The following NELL1 variants were observed in gnomAD, a reference collection of about 807,000 sequenced individuals.
NELL1 encodes protein kinase C-binding protein NELL1.
In NELL1, 76 loss-of-function variants were observed where a neutral mutation model predicts 107.4. The ratio of observed to expected loss-of-function variants is 0.71; its 90% confidence interval spans 0.59 to 0.86. NELL1 has a LOEUF of 0.86. NELL1 is among the 40% of genes least tolerant of loss of function. The pLI is 0.00. For missense variants in NELL1, 1,024 were observed against 1,005.5 expected (o/e 1.02, Z -0.25); for synonymous variants, 353 against 341.2 (o/e 1.03, Z -0.38).
intron 12 of NELL1, among the ~76,000 whole-genome samples, chr11:21,109,423 ACATGG>A (rs1485835884): frequency 6.6e-6 from 1 of 152,064 alleles, no homozygotes; most frequent in Non-Finnish European, 1.5e-5. Flanking sequence ...TTTAGCGTGA[ACATGG>A]ATTTGTGTAT....
intron 15 of NELL1, among the ~76,000 whole-genome samples, chr11:21,507,955 A>G (rs1590989834): frequency 6.6e-6 from 1 of 151,742 alleles, no homozygotes; most frequent in South Asian, 2.1e-4. Flanking sequence ...TAATTTTTGT[A>G]TCTTTAGTAG....
At chr11:21,227,410 C>T (rs542440985) in intron 13 of NELL1, among the ~76,000 whole-genome samples, 11 of 152,080 alleles carry the variant, frequency 7.2e-5, no homozygotes, top group Non-Finnish European at 1.2e-4. Flanking sequence ...TTCTGTGTTC[C>T]GGTTAGTTAC....
intron 14 of NELL1, among the ~76,000 whole-genome samples, chr11:21,246,212 G>A (rs1041063461): frequency 2.0e-5 from 3 of 152,154 alleles, no homozygotes; most frequent in African/African-American, 4.8e-5. Flanking sequence ...GAAGAAGGCA[G>A]AAGTATTGTC....
chr11:20,785,133 A>C (rs1856928701), intron 3 of NELL1, among the ~76,000 whole-genome samples: 1 of 152,134 alleles, frequency 6.6e-6, no homozygotes, highest in South Asian at 2.1e-4. Context: ...AAATATAGAG[A>C]AATGCAATTT....
At chr11:21,460,163 C>T (rs1341787958) in intron 15 of NELL1, among the ~76,000 whole-genome samples, 1 of 151,440 alleles carries the variant, frequency 6.6e-6, no homozygotes, top group East Asian at 1.9e-4. Context: ...GTAAAGAAGA[C>T]CAGAAATGGA....
intron 14 of NELL1, among the ~76,000 whole-genome samples, chr11:21,292,055 A>G (rs1439835903): frequency 6.6e-6 from 1 of 152,202 alleles, no homozygotes; most frequent in Non-Finnish European, 1.5e-5. Context: ...TATTCAACAC[A>G]GTATTGGAAG....
At chr11:21,270,487 A>G (rs1285354027) in intron 14 of NELL1, among the ~76,000 whole-genome samples, 2 of 152,158 alleles carry the variant, frequency 1.3e-5, no homozygotes, top group African/African-American at 2.4e-5. Context: ...GATATACACA[A>G]TCTTTTTGTG....
intron 2 of NELL1, among the ~76,000 whole-genome samples, chr11:20,747,763 A>T (rs1352983545): frequency 6.6e-6 from 1 of 152,208 alleles, no homozygotes; most frequent in African/African-American, 2.4e-5. Context: ...TTATATGGGG[A>T]TACAAGTGAT....
chr11:21,494,589 T>C (rs1441531115), intron 15 of NELL1, among the ~76,000 whole-genome samples: 1 of 151,968 alleles, frequency 6.6e-6, no homozygotes, highest in Admixed American at 6.6e-5. Context: ...TTGGGAAATA[T>C]ATATGTGCGT....
chr11:21,295,302 T>G (rs1849350311), intron 14 of NELL1, among the ~76,000 whole-genome samples: 2 of 151,972 alleles, frequency 1.3e-5, no homozygotes, highest in Non-Finnish European at 1.5e-5. Flanking sequence ...AATGTTGGAT[T>G]AACTAGATAT....
At chr11:21,000,469 A>G (rs1403326271) in intron 12 of NELL1, among the ~76,000 whole-genome samples, 4 of 152,172 alleles carry the variant, frequency 2.6e-5, no homozygotes, top group African/African-American at 9.7e-5. Flanking sequence ...ACGAAATCAG[A>G]TTCCCAATCT....
intron 12 of NELL1, among the ~76,000 whole-genome samples, chr11:21,008,265 C>A (rs1852372220): frequency 6.6e-6 from 1 of 152,108 alleles, no homozygotes; most frequent in South Asian, 2.1e-4. Flanking sequence ...TTCAGCTATA[C>A]CTTAAGTGTA....
intron 13 of NELL1, among the ~76,000 whole-genome samples, chr11:21,177,203 A>AT (rs1237514596): frequency 2.6e-5 from 4 of 151,658 alleles, no homozygotes; most frequent in African/African-American, 4.9e-5. Context: ...ACCAGAACTG[A>AT]TTTTTTTGTC....
At chr11:20,770,503 A>G (rs548309783) in intron 2 of NELL1, among the ~76,000 whole-genome samples, 1 of 152,348 alleles carries the variant, frequency 6.6e-6, no homozygotes, top group South Asian at 2.1e-4. Flanking sequence ...TCCTGAGCAC[A>G]AGGTTGAAGG....
chr11:20,704,364 T>C (rs186743072), intron 2 of NELL1, among the ~76,000 whole-genome samples: 1 of 152,204 alleles, frequency 6.6e-6, no homozygotes, highest in African/African-American at 2.4e-5. Flanking sequence ...TTGGCAGATC[T>C]TCCTCCATCC....
intron 12 of NELL1, among the ~76,000 whole-genome samples, chr11:21,093,932 T>G (rs1394350536): frequency 6.6e-6 from 1 of 152,112 alleles, no homozygotes; most frequent in African/African-American, 2.4e-5. Flanking sequence ...AAATCCCATG[T>G]CCTTGTATTT....
At chr11:21,530,489 A>C (rs1206585617) in intron 15 of NELL1, among the ~76,000 whole-genome samples, 5 of 152,126 alleles carry the variant, frequency 3.3e-5, no homozygotes, top group Non-Finnish European at 4.4e-5. Flanking sequence ...TTTTATGAAA[A>C]CAAACCTTGG....
chr11:20,713,137 G>C (rs937053350), intron 2 of NELL1, among the ~76,000 whole-genome samples: 1 of 152,226 alleles, frequency 6.6e-6, no homozygotes, highest in Non-Finnish European at 1.5e-5. Flanking sequence ...AGCATCAGCT[G>C]TGGTAGTAGG....
intron 2 of NELL1, among the ~76,000 whole-genome samples, chr11:20,687,013 C>A (rs1590204393): frequency 7.0e-6 from 1 of 143,314 alleles, no homozygotes; most frequent in African/African-American, 2.6e-5. Flanking sequence ...GAGAAAAAAA[C>A]ATCTGGTCTG....
Sources: gnomAD v4.1 joint callset for allele counts (sites outside exome capture counted in the v4.1 genomes callset) on GRCh38, gnomAD v4.1.1 for gene constraint, MANE v1.5 for transcripts, NCBI Gene and HGNC (gene_info 2026-07-23, HGNC 2026-07-21) for gene names.